The following CREBBP variants were observed in gnomAD, a reference collection of about 807,000 sequenced individuals.
CREBBP encodes the protein CREB-binding protein.
A neutral mutation model predicts 265.0 loss-of-function variants in CREBBP; 19 were observed. The ratio of observed to expected loss-of-function variants is 0.07; its 90% CI spans 0.05 to 0.11. The LOEUF is 0.11. Among genes scored for constraint, CREBBP ranks in the 10% least tolerant of loss-of-function variants. The pLI, the probability that CREBBP is intolerant of heterozygous loss-of-function variation, is 1.00. For missense variants in CREBBP, 2,525 were observed against 3,219.0 expected, an observed-to-expected ratio of 0.78 and a Z score of 5.22; for synonymous variants, 1,457 against 1,223.7, an observed-to-expected ratio of 1.19 and a Z score of -3.98.
At chr16:3,745,093 A>G in intron 22 of CREBBP, 132 bp from the exon 23 acceptor site, 1 of 899,844 alleles carries the variant, frequency 1.1e-6, no homozygotes, top group South Asian at 1.4e-5. Context: ...GAAGAGGCAG[A>G]CTGCTTTGAT....
intron 5 of CREBBP, among the ~76,000 whole-genome samples, chr16:3,787,070 C>CAAA (rs757962926): frequency 4.1e-4 from 36 of 86,994 alleles, no homozygotes; most frequent in South Asian, 6.8e-4. Context: ...GACTTCGTCT[C>CAAA]AAAAAAAAAA....
chr16:3,776,173 C>T (rs754974457), intron 11 of CREBBP, among the ~76,000 whole-genome samples: 1 of 152,110 alleles, frequency 6.6e-6, no homozygotes, highest in Non-Finnish European at 1.5e-5. Context: ...CTGCTTCGGC[C>T]TCCCAAAGTG....
At chr16:3,806,904 G>A (rs1021759684) in intron 3 of CREBBP, among the ~76,000 whole-genome samples, 1 of 152,080 alleles carries the variant, frequency 6.6e-6, no homozygotes, top group Non-Finnish European at 1.5e-5. Flanking sequence ...GGTCTCTGTG[G>A]CTTCTTCTCA....
intron 15 of CREBBP, among the ~76,000 whole-genome samples, chr16:3,768,442 C>A (rs1208909075): frequency 6.6e-6 from 1 of 152,100 alleles, no homozygotes; most frequent in Non-Finnish European, 1.5e-5. Context: ...CCACAGCTCC[C>A]AGCCTAATTT....
At chr16:3,859,492 C>A (rs1165960939) in intron 1 of CREBBP, among the ~76,000 whole-genome samples, 2 of 152,182 alleles carry the variant, frequency 1.3e-5, no homozygotes, top group Non-Finnish European at 2.9e-5. Context: ...CCACACCCAA[C>A]CAGTAATGTC....
chr16:3,807,983 G>C (rs752406900), intron 3 of CREBBP, among the ~76,000 whole-genome samples: 5 of 152,156 alleles, frequency 3.3e-5, no homozygotes, highest in Non-Finnish European at 7.4e-5. Context: ...CTGTCTCAAA[G>C]TCCACAGGGG....
intron 3 of CREBBP, among the ~76,000 whole-genome samples, chr16:3,807,567 G>C (rs980513021): frequency 1.5e-4 from 23 of 152,122 alleles, no homozygotes; most frequent in African/African-American, 5.3e-4. Flanking sequence ...GTGTAAGCAC[G>C]GGCTGGTGAA....
chr16:3,755,410 G>T (rs2052563934), intron 19 of CREBBP, among the ~76,000 whole-genome samples: 1 of 152,124 alleles, frequency 6.6e-6, no homozygotes, highest in Non-Finnish European at 1.5e-5. Flanking sequence ...AGCAGGGGTG[G>T]CATTTTTCTG....
intron 1 of CREBBP, among the ~76,000 whole-genome samples, chr16:3,857,727 G>A (rs968517131): frequency 6.6e-6 from 1 of 152,088 alleles, no homozygotes; most frequent in Non-Finnish European, 1.5e-5. Context: ...GCACCTCAAG[G>A]AAACTTCACC....
In CREBBP at chr16:3,850,977, G is replaced by A. The variant is rs774359612; in HGVS notation, c.118C>T (p.Leu40Phe). 1 of 1,614,148 alleles carries A rather than the reference G, an allele frequency of 6.2e-7. No individual in the cohort carries two copies. Among genetic ancestry groups the A allele is most frequent in the South Asian group, 1.1e-5 (1 of 91,074 alleles). ...FGSLFDLEND[L>F]PDELIPNGGE... ...CCATTGGGTATCAGCTCATCAGGAA[G>A]ATCATTTTCCAAGTCAAACAATGAT... is the stretch of plus-strand genomic sequence containing the variant. Residue 40 changes from leucine (L) to phenylalanine (F), a missense_variant, in exon 2 of 31, where the codon CTT becomes TTT. Coordinates refer to ENST00000262367, the MANE Select transcript of CREBBP (RefSeq NM_004380.3).
intron 3 of CREBBP, among the ~76,000 whole-genome samples, chr16:3,807,143 C>A (rs969103375): frequency 7.9e-5 from 12 of 152,190 alleles, no homozygotes; most frequent in African/African-American, 2.9e-4. Flanking sequence ...GCACCTGAGC[C>A]CACAAAAGGC....
At chr16:3,819,658 T>C (rs888040391) in intron 2 of CREBBP, among the ~76,000 whole-genome samples, 8 of 152,356 alleles carry the variant, frequency 5.3e-5, no homozygotes, top group African/African-American at 1.9e-4. Context: ...AAAAGGCCAT[T>C]ATTTTCTAAT....
chr16:3,834,530 A>G (rs2141424932), intron 2 of CREBBP, among the ~76,000 whole-genome samples: 1 of 152,260 alleles, frequency 6.6e-6, no homozygotes, highest in East Asian at 1.9e-4. Flanking sequence ...TGGGAAGGAG[A>G]GAGGGATGAA....
intron 16 of CREBBP, among the ~76,000 whole-genome samples, chr16:3,759,854 TA>T (rs575378230): frequency 1.3e-5 from 2 of 152,126 alleles, no homozygotes; most frequent in South Asian, 4.1e-4. Flanking sequence ...AAACATAAAA[TA>T]CTGGCTGCCA....
chr16:3,745,405 G>C (rs2151356319), intron 21 of CREBBP, 51 bp from the exon 22 acceptor site: 1 of 1,555,810 alleles, frequency 6.4e-7, no homozygotes, highest in South Asian at 1.1e-5. Context: ...CACAAGACCA[G>C]AGTCACTTGT....
chr16:3,834,313 T>C (rs974920101), intron 2 of CREBBP, among the ~76,000 whole-genome samples: 3 of 152,252 alleles, frequency 2.0e-5, no homozygotes, highest in African/African-American at 7.2e-5. Flanking sequence ...TGGATGTATA[T>C]GGCAGCTTTA....
Position 3,729,859 on chromosome 16 carries a change from T to C in CREBBP, c.5188A>G (p.Ile1730Val), listed in dbSNP as rs1159294530. ...TGGCTCTTCGTGTTATAGCAGTTGA[T>C]GCAGAGGTCGTAGTCCTGCAAGCAA... ...CTVCEDYDLC[I>V]NCYNTKSHAH... The change falls in exon 31 of 31, where the codon ATC becomes GTC. Residue 1730 changes from isoleucine (I) to valine (V), a missense_variant. Physicochemically the swap from Ile to Val is conservative, Grantham distance 29. This residue lies in a region of CREBBP where 62 missense variants were observed against 156.2 expected (regional missense o/e 0.40). Coordinates refer to ENST00000262367, the MANE Select transcript of CREBBP (RefSeq NM_004380.3). The C allele has an allele frequency of 1.2e-6, 2 of 1,602,080 alleles. No homozygotes were observed. Among genetic ancestry groups the C allele is most frequent in the Admixed American group, 3.3e-5 (2 of 60,006 alleles).
rs1750672672 is a variant in CREBBP, at chr16:3,729,132, A to G, written c.5915T>C (p.Leu1972Pro). Residue 1972 changes from leucine (L) to proline (P), a missense_variant, in exon 31 of 31, where the codon CTG (leucine) becomes CCG (proline). Coordinates refer to ENST00000262367, the MANE Select transcript of CREBBP (RefSeq NM_004380.3). ...IEREAQQQQHLYRVNINNSMP... is the reference protein window; with the variant it reads ...IEREAQQQQHPYRVNINNSMP... Reference sequence around the variant, plus strand: ...GCTGTTGTTGATGTTCACCCGGTACAGGTGCTGCTGCTGCTGGGCCTCACG... The same window carrying G: ...GCTGTTGTTGATGTTCACCCGGTACGGGTGCTGCTGCTGCTGGGCCTCACG... 6.6e-7 allele frequency: 1 copy of G among 1,507,552 alleles called. No individual in the cohort carries two copies. The highest frequency in any genetic ancestry group is 8.9e-7 in the Non-Finnish European group (1 of 1,127,504). The allele number at this position is 1,507,552 out of a possible 1,614,324, so 93.4% of individuals were successfully genotyped here. A position where few individuals can be genotyped will look rare whatever the true frequency, so the allele number is the denominator to read the frequency against.
chr16:3,778,911 A>G (rs921310327), intron 8 of CREBBP, 94 bp from the exon 9 acceptor site: 32 of 1,030,974 alleles, frequency 3.1e-5, no homozygotes, highest in Admixed American at 1.2e-4. Context: ...TCACGCTTGT[A>G]ATCCCAGCAC....
Sources: gnomAD v4.1 joint callset for allele counts (sites outside exome capture counted in the v4.1 genomes callset) on GRCh38, gnomAD v4.1.1 for gene constraint, gnomAD v4.1.1 regional missense constraint, MANE v1.5 for transcripts, NCBI Gene and HGNC (gene_info 2026-07-23, HGNC 2026-07-21) for gene names.